The following SRRM2 variants were observed in gnomAD, a reference collection of about 807,000 sequenced individuals.
SRRM2 encodes serine/arginine repetitive matrix protein 2.
SRRM2 carries 30 observed loss-of-function variants against 213.8 expected under a neutral mutation model. The ratio of observed to expected loss-of-function variants is 0.14; its 90% CI spans 0.10 to 0.19. The LOEUF is 0.19. Among genes scored for constraint, SRRM2 ranks in the 10% least tolerant of loss-of-function variants. The pLI is 1.00. For missense variants in SRRM2, 4,904 were observed against 3,647.0 expected (o/e 1.34, Z -8.88); for synonymous variants, 2,025 against 1,377.7 (o/e 1.47, Z -10.40).
chr16:2,770,846 C>G lies in SRRM2; in HGVS notation c.8250-12C>G. The G allele has an allele frequency of 6.2e-7, 1 of 1,614,104 alleles. No individual in the cohort carries two copies. The highest frequency in any genetic ancestry group is 8.5e-7 in the Non-Finnish European group (1 of 1,180,014). ...GTGGGAACTCCCTGTTGACCCATAT[C>G]TTCTCTTGCAGGTCTCCATAAATTG... is the stretch of plus-strand genomic sequence containing the variant. On this transcript the variant is annotated splice_polypyrimidine_tract_variant and intron_variant, in intron 14 of 14. Transcript: ENST00000301740.
Position 2,759,001 on chromosome 16 carries a change from T to C in SRRM2, c.610T>C (p.Ser204Pro). ...KDRGRRSESS[S>P]PRRERKKSSK... is the part of the protein sequence containing the mutation. ...CATCTTTAGCAGGTCAGAGAGCAGC[T>C]CTCCTCGACGGGAGAGAAAGAAAAG... Residue 204 changes from serine (S) to proline (P), a missense_variant, in exon 6 of 15, where the codon TCT becomes CCT. By Grantham distance (74) the Ser-to-Pro change is moderately conservative. Transcript: ENST00000301740. The C allele has an allele frequency of 6.2e-7, 1 of 1,614,012 alleles. No homozygotes were observed. The highest frequency in any genetic ancestry group is 1.3e-5 in the African/African-American group (1 of 74,966).
In SRRM2 at chr16:2,763,869, T is replaced by C. The variant is rs937304462; in HGVS notation, c.3341T>C (p.Ile1114Thr). ...PVTELASRSP[I>T]RQDRGEFSAS... ...ACTGAGCTGGCATCCAGATCTCCAA[T>C]AAGACAAGATAGAGGTGAGTTCTCA... Residue 1114 changes from isoleucine to threonine, a missense_variant, in exon 11 of 15, where the codon ATA becomes ACA. By Grantham distance (89) the Ile-to-Thr change is moderately conservative. Coordinates refer to ENST00000301740, the MANE Select transcript of SRRM2 (RefSeq NM_016333.4). 1 of 1,614,140 alleles carries C rather than the reference T, an allele frequency of 6.2e-7. No homozygotes were observed. The highest frequency in any genetic ancestry group is 8.5e-7 in the Non-Finnish European group (1 of 1,180,022).
Position 2,767,801 on chromosome 16 carries a change from C to G in SRRM2, c.7273C>G (p.Pro2425Ala). The change falls in exon 11 of 15, where the codon CCC (proline) becomes GCC (alanine). Residue 2425 changes from proline to alanine, a missense_variant. Pro to Ala is a conservative substitution (Grantham distance 27). Transcript: ENST00000301740. The stretch of plus-strand genomic sequence containing the variant: ...ATCTAGGATGACCTCTGAACGGGCT[C>G]CCTCCCCTTCCTCTAGAATGGGCCA... ...SQSRMTSERA[P>A]SPSSRMGQAP... 1 of 1,614,016 alleles carries G rather than the reference C, an allele frequency of 6.2e-7. No individual in the cohort carries two copies. The highest frequency in any genetic ancestry group is 2.2e-5 in the East Asian group (1 of 44,882).
rs1483817314 is a variant in SRRM2 at position 2,765,644 on chromosome 16, A to G, written c.5116A>G (p.Arg1706Gly). 6.2e-7 allele frequency: 1 copy of G among 1,614,192 alleles called. No homozygotes were observed. The highest frequency in any genetic ancestry group is 1.1e-5 in the South Asian group (1 of 91,082). Residue 1706 changes from arginine (R) to glycine (G), a missense_variant, in exon 11 of 15, where the codon AGA (arginine) becomes GGA (glycine). Physicochemically the swap from Arg to Gly is moderately radical, Grantham distance 125. Coordinates refer to ENST00000301740, the MANE Select transcript of SRRM2 (RefSeq NM_016333.4). ...ELTRKARLSR[R>G]SRSASSSPET... ...AACAAGGAAGGCCAGACTGTCCCGT[A>G]GAAGCCGCTCTGCCTCATCCTCACC... is the stretch of plus-strand genomic sequence containing the variant.
intron 5 of SRRM2, 66 bp downstream of exon 5, chr16:2,758,613 G>A: frequency 6.7e-7 from 1 of 1,483,146 alleles, no homozygotes; most frequent in Admixed American, 1.7e-5. Context: ...TTTCTCTCTG[G>A]AAGTGGACAG....
chr16:2,763,351 G>A lies in SRRM2; in HGVS notation c.2823G>A (p.Val941=), dbSNP rs1265172564. ...SGSSSPSPSR[V]TSRTTPRRSR... Reference sequence around the variant, plus strand: ...CCTCTTCTCCAAGTCCTAGTAGGGTGACGTCGAGAACAACTCCACGGCGAA... The same window carrying A: ...CCTCTTCTCCAAGTCCTAGTAGGGTAACGTCGAGAACAACTCCACGGCGAA... The change falls in exon 11 of 15, where the codon GTG becomes GTA. Residue 941 remains valine, a synonymous_variant. Coordinates refer to ENST00000301740, the MANE Select transcript of SRRM2 (RefSeq NM_016333.4). 6.2e-7 allele frequency: 1 copy of A among 1,614,182 alleles called. No homozygotes were observed. Among genetic ancestry groups the A allele is most frequent in the South Asian group, 1.1e-5 (1 of 91,066 alleles).
Position 2,764,618 on chromosome 16 carries a change from G to A in SRRM2, c.4090G>A (p.Glu1364Lys). 1 of 1,614,164 alleles carries A rather than the reference G, an allele frequency of 6.2e-7. No individual in the cohort carries two copies. Among genetic ancestry groups the A allele is most frequent in the Non-Finnish European group, 8.5e-7 (1 of 1,180,032 alleles). The change falls in exon 11 of 15, where the codon GAA (glutamate) becomes AAA (lysine). Residue 1364 changes from glutamate (E) to lysine (K), a missense_variant. Glu to Lys is a moderately conservative substitution (Grantham distance 56). Coordinates refer to ENST00000301740, the MANE Select transcript of SRRM2 (RefSeq NM_016333.4). ...GAATGGACCGTTTCTTAATCAGCTGGAAACAGATCCATCTCTAGACATGAA... is the reference window on the plus strand; with the variant it reads ...GAATGGACCGTTTCTTAATCAGCTGAAAACAGATCCATCTCTAGACATGAA... ...DLNGPFLNQL[E>K]TDPSLDMKEQ...
rs557170894 is a variant in SRRM2 at position 2,758,527 on chromosome 16, A to G, written c.573A>G (p.Lys191=). 16 of 1,613,796 alleles carry G rather than the reference A, an allele frequency of 9.9e-6. No individual in the cohort carries two copies. The Admixed American group carries it at 1.0e-4, about 10-fold the overall frequency. Residue 191 remains lysine (K), a synonymous_variant, in exon 5 of 15, where the codon AAA becomes AAG. Transcript: ENST00000301740. The stretch of plus-strand genomic sequence containing the variant: ...CAACCCCAAAGCAGAAGAAGAAGAA[A>G]AAGAAGAAAGATAGAGGACGGTAAG... ...RSPTPKQKKK[K]KKKDRGRRSE...
rs772258149 is a variant in SRRM2, at chr16:2,768,132, C to T, written c.7604C>T (p.Ser2535Leu). Residue 2535 changes from serine to leucine, a missense_variant, in exon 11 of 15, where the codon TCG becomes TTG. Coordinates refer to ENST00000301740, the MANE Select transcript of SRRM2 (RefSeq NM_016333.4). Reference protein sequence around the residue: ...QPAKERRSSSSSSSSSSSSSS... With the variant: ...QPAKERRSSSLSSSSSSSSSS... Reference sequence around the variant, plus strand: ...GCAAAGGAGCGGCGGAGTTCCTCCTCGTCGTCGTCGTCCTCTAGCTCCTCC... The same window carrying T: ...GCAAAGGAGCGGCGGAGTTCCTCCTTGTCGTCGTCGTCCTCTAGCTCCTCC... 6 of 1,613,062 alleles carry T rather than the reference C, an allele frequency of 3.7e-6. No homozygotes were observed. The highest frequency in any genetic ancestry group is 2.2e-5 in the East Asian group (1 of 44,864).
chr16:2,760,642 C>G (rs993717885), intron 10 of SRRM2, 143 bp downstream of exon 10: 3 of 869,006 alleles, frequency 3.5e-6, no homozygotes, highest in Non-Finnish European at 5.2e-6. Flanking sequence ...AGTTCTCTTA[C>G]TGCATCTGCA....
At chr16:2,754,464 G>T (rs533495695) in intron 1 of SRRM2, among the ~76,000 whole-genome samples, 81 of 152,196 alleles carry the variant, frequency 5.3e-4, no homozygotes, top group Non-Finnish European at 7.4e-5. Context: ...GCTAATTTTT[G>T]TATTTTTGGT....
chr16:2,764,079 A>C lies in SRRM2; in HGVS notation c.3551A>C (p.Lys1184Thr). Residue 1184 changes from lysine to threonine, a missense_variant, in exon 11 of 15, where the codon AAA becomes ACA. Physicochemically the swap from Lys to Thr is moderately conservative, Grantham distance 78 (BLOSUM62 -1). Coordinates refer to ENST00000301740, the MANE Select transcript of SRRM2 (RefSeq NM_016333.4). ...EDATASPPRQ[K>T]DKFSPFPVQD... is the part of the protein sequence containing the mutation. Reference sequence around the variant, plus strand: ...GCTACTGCATCACCTCCTAGACAGAAAGACAAATTTAGTCCCTTTCCAGTA... The same window carrying C: ...GCTACTGCATCACCTCCTAGACAGACAGACAAATTTAGTCCCTTTCCAGTA... The C allele has an allele frequency of 6.2e-7, 1 of 1,614,132 alleles. No individual in the cohort carries two copies. Among genetic ancestry groups the C allele is most frequent in the Non-Finnish European group, 8.5e-7 (1 of 1,180,016 alleles).
rs1264012013 is a variant in SRRM2, at chr16:2,763,689, C to G, written c.3161C>G (p.Ser1054Cys). Reference sequence around the variant, plus strand: ...GGCGAGAGCTATTTTGGTGTCTCATCTCTGCAACTGAAAGGACAATCTCAA... The same window carrying G: ...GGCGAGAGCTATTTTGGTGTCTCATGTCTGCAACTGAAAGGACAATCTCAA... ...PPGESYFGVS[S>C]LQLKGQSQTS... Residue 1054 changes from serine (S) to cysteine (C), a missense_variant, in exon 11 of 15, where the codon TCT (serine) becomes TGT (cysteine). Physicochemically the swap from Ser to Cys is moderately radical, Grantham distance 112 (BLOSUM62 -1). Coordinates refer to ENST00000301740, the MANE Select transcript of SRRM2 (RefSeq NM_016333.4). 6.2e-7 allele frequency: 1 copy of G among 1,614,220 alleles called. No homozygotes were observed. The highest frequency in any genetic ancestry group is 8.5e-7 in the Non-Finnish European group (1 of 1,180,040).
chr16:2,762,313 A>G lies in SRRM2; in HGVS notation c.1785A>G (p.Arg595=). ...RSRTPARRRS[R]SRTPTRRRSR... ...GAACACCTGCCAGGCGGAGATCACGATCCAGAACTCCCACCAGGCGTAGGT... is the reference window on the plus strand; with the variant it reads ...GAACACCTGCCAGGCGGAGATCACGGTCCAGAACTCCCACCAGGCGTAGGT... The change falls in exon 11 of 15, where the codon CGA becomes CGG. Residue 595 remains arginine (R), a synonymous_variant. Coordinates refer to ENST00000301740, the MANE Select transcript of SRRM2 (RefSeq NM_016333.4). 1 of 1,613,818 alleles carries G rather than the reference A, an allele frequency of 6.2e-7. No homozygotes were observed. The highest frequency in any genetic ancestry group is 2.2e-5 in the East Asian group (1 of 44,884).
chr16:2,756,219 A>T, intron 1 of SRRM2, 115 bp from the exon 2 acceptor site: 1 of 991,208 alleles, frequency 1.0e-6, no homozygotes, highest in Non-Finnish European at 1.4e-6. Context: ...GCGAAGACTT[A>T]GTGTGAAGAT....
chr16:2,767,454 T>C lies in SRRM2; in HGVS notation c.6926T>C (p.Leu2309Pro). ...GARTPAALAA[L>P]SLTGSGTPPT... ...AGAACCCCAGCTGCCTTGGCAGCTC[T>C]GAGTCTCACAGGCTCTGGCACACCA... is the stretch of plus-strand genomic sequence containing the variant. The change falls in exon 11 of 15, where the codon CTG (leucine) becomes CCG (proline). Residue 2309 changes from leucine (L) to proline (P), a missense_variant. Coordinates refer to ENST00000301740, the MANE Select transcript of SRRM2 (RefSeq NM_016333.4). 1 of 1,614,186 alleles carries C rather than the reference T, an allele frequency of 6.2e-7. No individual in the cohort carries two copies. The highest frequency in any genetic ancestry group is 8.5e-7 in the Non-Finnish European group (1 of 1,180,028).
chr16:2,758,672 C>A (rs141669077), intron 5 of SRRM2, 125 bp downstream of exon 5: 14 of 897,298 alleles, frequency 1.6e-5, no homozygotes, highest in South Asian at 8.9e-5. Flanking sequence ...GAGGGAGTTA[C>A]CATTGAGGCC....
chr16:2,758,046 A>G (rs1300798046), intron 4 of SRRM2, 101 bp downstream of exon 4: 2 of 1,433,336 alleles, frequency 1.4e-6, no homozygotes, highest in Non-Finnish European at 1.9e-6. Flanking sequence ...CAAACTCTTC[A>G]GATTTTGTTC....
intron 4 of SRRM2, 58 bp downstream of exon 4, chr16:2,758,003 C>T (rs1239887834): frequency 5.8e-6 from 9 of 1,547,608 alleles, no homozygotes; most frequent in Non-Finnish European, 7.8e-6. Flanking sequence ...GCTCCATGCT[C>T]TATTTTTGTC....
Sources: allele counts gnomAD v4.1 joint callset (sites outside exome capture counted in the v4.1 genomes callset), GRCh38; gene constraint gnomAD v4.1.1; transcripts MANE v1.5; gene names NCBI Gene and HGNC (gene_info 2026-07-23, HGNC 2026-07-21).